LNPK: variants seen among roughly 807,000 people sequenced by gnomAD.
The protein encoded by LNPK is lunapark, ER junction formation factor, also known as endoplasmic reticulum junction formation protein lunapark.
LNPK carries 29 observed loss-of-function variants against 55.2 expected under a neutral mutation model. The observed-to-expected ratio is 0.53, with a 90% CI of 0.39 to 0.72. LNPK has a LOEUF of 0.72. LNPK is among the 30% of genes least tolerant of loss of function. LNPK has a pLI of 0.00. For missense variants in LNPK, 467 were observed against 494.8 expected, an observed-to-expected ratio of 0.94 and a Z score of 0.53; for synonymous variants, 162 against 168.2, an observed-to-expected ratio of 0.96 and a Z score of 0.29.
In LNPK at chr2:175,946,501, T is replaced by C. The variant is rs376278643; in HGVS notation, c.706+979A>G. 5.1e-4 allele frequency among the ~76,000 whole-genome samples: 77 copies of C among 152,276 alleles called. 1 individual carries two copies. The East Asian group carries it at 0.011, about 21-fold the overall frequency. On this transcript the variant is annotated intron_variant, in intron 9 of 12. Transcript: ENST00000272748. Reference sequence around the variant, plus strand: ...GTATACATTTCATTTATAGTCAGTATTCTTAATTTGTTAATAAATGAAGAG... The same window carrying C: ...GTATACATTTCATTTATAGTCAGTACTCTTAATTTGTTAATAAATGAAGAG...
intron 9 of LNPK, among the ~76,000 whole-genome samples, chr2:175,943,648 TAAAAC>T (rs1288847458): frequency 1.3e-5 from 2 of 151,954 alleles, no homozygotes; most frequent in African/African-American, 4.8e-5. Flanking sequence ...GAACAGGCAT[TAAAAC>T]AAAGAAACAA....
chr2:175,980,048 G>A (rs1472001631), intron 4 of LNPK, among the ~76,000 whole-genome samples, 180 bp from the exon 5 acceptor site: 2 of 152,180 alleles, frequency 1.3e-5, no homozygotes, highest in Non-Finnish European at 2.9e-5. Flanking sequence ...TTTCAAAGGA[G>A]GAGTTCTCAA....
At position 175,929,810 on chromosome 2, in the gene LNPK, A is replaced by G; in HGVS notation, c.*157T>C. The G allele has an allele frequency of 6.9e-7, 1 of 1,446,970 alleles. No homozygotes were observed. Among genetic ancestry groups the G allele is most frequent in the Non-Finnish European group, 9.1e-7 (1 of 1,103,538 alleles). The allele number at this position is 1,446,970 out of a possible 1,614,324, so 89.6% of individuals were successfully genotyped here. A position where few individuals can be genotyped will look rare whatever the true frequency, so the allele number is the denominator to read the frequency against. ...TGCTTTTAATTTTAATACCCAGTAT[A>G]TATAACTTTGAGATGTTCAAATAGC... On this transcript the variant is annotated 3_prime_UTR_variant, in exon 13 of 13. Transcript: ENST00000272748.
intron 2 of LNPK, 43 bp downstream of exon 2, chr2:175,995,515 T>C (rs780071954): frequency 9.3e-6 from 14 of 1,513,216 alleles, no homozygotes; most frequent in Non-Finnish European, 1.3e-5. Context: ...TGTGACACTT[T>C]TATATTAGAC....
rs964274552 is a variant in LNPK, at chr2:175,978,365, C to T, written c.316+1445G>A. Among the ~76,000 whole-genome samples, 16 of 152,008 alleles carry T rather than the reference C, an allele frequency of 1.1e-4. 1 individual carries two copies. The highest frequency in any genetic ancestry group is 5.9e-5 in the Non-Finnish European group (4 of 67,996). On this transcript the variant is annotated intron_variant, in intron 5 of 12. Transcript: ENST00000272748. ...CCAATCCCTCACAGATACTGAAGGA[C>T]AATTTCACTTGGTGGTGTAGGTAGC...
intron 8 of LNPK, among the ~76,000 whole-genome samples, chr2:175,955,333 T>C (rs1437466383): frequency 1.3e-5 from 2 of 152,256 alleles, no homozygotes; most frequent in Middle Eastern, 3.4e-3. Context: ...GAGAAGTCCA[T>C]GTGGAGAGGA....
At chr2:175,985,503 TACA>T (rs1687363259) in intron 4 of LNPK, among the ~76,000 whole-genome samples, 1 of 152,210 alleles carries the variant, frequency 6.6e-6, no homozygotes, top group African/African-American at 2.4e-5. Flanking sequence ...TACTTTGTGG[TACA>T]TTCACTTTGG....
Position 175,929,026 on chromosome 2 carries a change from G to T in LNPK, c.*941C>A. 1 of 659,018 alleles carries T rather than the reference G, an allele frequency of 1.5e-6. No homozygotes were observed. The highest frequency in any genetic ancestry group is 1.9e-6 in the Non-Finnish European group (1 of 531,476). The allele number at this position is 659,018 out of a possible 1,614,324, so 40.8% of individuals were successfully genotyped here. A position where few individuals can be genotyped will look rare whatever the true frequency, so the allele number is the denominator to read the frequency against. ...TCTAAGCAGAATCTACAGATTTATT[G>T]TATTGTGAGCTATTCCTCCTAAGAT... On this transcript the variant is annotated 3_prime_UTR_variant, in exon 13 of 13. Coordinates refer to ENST00000272748, the MANE Select transcript of LNPK (RefSeq NM_030650.3).
chr2:175,942,045 T>C (rs1250757651), intron 9 of LNPK, among the ~76,000 whole-genome samples: 1 of 151,882 alleles, frequency 6.6e-6, no homozygotes, highest in Non-Finnish European at 1.5e-5. Flanking sequence ...CTGAAAGAAT[T>C]CATCACTAGA....
Position 175,993,086 on chromosome 2 carries a change from C to T in LNPK, c.69+96G>A, listed in dbSNP as rs191180009. 7 of 717,050 alleles carry T rather than the reference C, an allele frequency of 9.8e-6. No homozygotes were observed. In the East Asian group the frequency reaches 1.3e-4, roughly 13 times the overall value. 44.4% of individuals were successfully genotyped at this position (717,050 alleles called of 1,614,324 possible). ...ACTCACTCTATATCATTTCTAAATTCCCATACCAGATTTGGTCTCCAAAAT... is the reference window on the plus strand; with the variant it reads ...ACTCACTCTATATCATTTCTAAATTTCCATACCAGATTTGGTCTCCAAAAT... On this transcript the variant is annotated intron_variant, in intron 3 of 12. Transcript: ENST00000272748.
chr2:175,965,664 A>C lies in LNPK; in HGVS notation c.358-1075T>G, dbSNP rs1686290034. 2.6e-5 allele frequency among the ~76,000 whole-genome samples: 4 copies of C among 152,334 alleles called. No homozygotes were observed. In the South Asian group the frequency reaches 8.3e-4, roughly 32 times the overall value. On this transcript the variant is annotated intron_variant, in intron 6 of 12. Transcript: ENST00000272748. ...CGACATTTAAGAGGTAGGTACTTAGATGAATGATTTATTAGCCTTGCCTTG... is the reference window on the plus strand; with the variant it reads ...CGACATTTAAGAGGTAGGTACTTAGCTGAATGATTTATTAGCCTTGCCTTG...
At chr2:175,939,040 G>A (rs552969382) in intron 10 of LNPK, among the ~76,000 whole-genome samples, 8 of 151,782 alleles carry the variant, frequency 5.3e-5, no homozygotes, top group Non-Finnish European at 7.4e-5. Context: ...ATATTAATTA[G>A]GAGCGCTGTC....
intron 4 of LNPK, among the ~76,000 whole-genome samples, chr2:175,989,667 C>T (rs139823451): frequency 1.0e-3 from 155 of 152,212 alleles, no homozygotes; most frequent in African/African-American, 3.3e-3. Flanking sequence ...TCCCTCACTA[C>T]GGTGTGTAGC....
At chr2:175,990,379 T>C (rs1306810377) in intron 4 of LNPK, among the ~76,000 whole-genome samples, 1 of 152,216 alleles carries the variant, frequency 6.6e-6, no homozygotes, top group Non-Finnish European at 1.5e-5. Context: ...CCCTGTCACC[T>C]TCTGCCAAGA....
chr2:175,928,871 A>G lies in LNPK; in HGVS notation c.*1096T>C, dbSNP rs78101976. On this transcript the variant is annotated 3_prime_UTR_variant, in exon 13 of 13. Transcript: ENST00000272748. Reference sequence around the variant, plus strand: ...CTCACAAAATTTGTTTCTCAAAGTTAAAAATTACAAATGGCTGGCCTACGA... The same window carrying G: ...CTCACAAAATTTGTTTCTCAAAGTTGAAAATTACAAATGGCTGGCCTACGA... 0.014 allele frequency: 2,186 copies of G among 156,168 alleles called. 62 individuals are homozygous for G. The highest frequency in any genetic ancestry group is 0.05 in the African/African-American group (2,081 of 41,618). The allele number at this position is 156,168 out of a possible 1,614,324, so 9.7% of individuals were successfully genotyped here.
rs985008277 is a variant in LNPK, at chr2:175,926,887, T to G, written c.*3080A>C. ...TGTTCTGAAGGTTTGAAGCAAAGTA[T>G]AGTGTTCATTCTTGAATATATGGAT... On this transcript the variant is annotated 3_prime_UTR_variant, in exon 13 of 13. Coordinates refer to ENST00000272748, the MANE Select transcript of LNPK (RefSeq NM_030650.3). 6.6e-6 allele frequency: 1 copy of G among 152,184 alleles called. No individual in the cohort carries two copies. The allele number at this position is 152,184 out of a possible 1,614,324, so 9.4% of individuals were successfully genotyped here.
intron 5 of LNPK, among the ~76,000 whole-genome samples, chr2:175,973,244 T>C (rs774718840): frequency 6.6e-6 from 1 of 152,224 alleles, no homozygotes; most frequent in Non-Finnish European, 1.5e-5. Flanking sequence ...TCCTTCTCAT[T>C]TGAAGTATTT....
intron 1 of LNPK, 33 bp downstream of exon 1, chr2:176,002,127 C>A: frequency 2.4e-6 from 1 of 414,016 alleles, no homozygotes; most frequent in South Asian, 1.7e-5. Context: ...CGCTGCAGAG[C>A]CCTCCCAACT....
At chr2:175,979,429 C>T (rs796951828) in intron 5 of LNPK, among the ~76,000 whole-genome samples, 2 of 151,832 alleles carry the variant, frequency 1.3e-5, no homozygotes, top group East Asian at 1.9e-4. Flanking sequence ...AGTGGTGGCA[C>T]GCACCTATAA....
Sources: allele counts gnomAD v4.1 joint callset (sites outside exome capture counted in the v4.1 genomes callset), GRCh38; gene constraint gnomAD v4.1.1; transcripts MANE v1.5; gene names NCBI Gene and HGNC (gene_info 2026-07-23, HGNC 2026-07-21).